Variants in NR4A3 observed in about 807,000 individuals in gnomAD.
The protein encoded by NR4A3 is chondrosarcoma, extraskeletal myxoid, fused to EWS.
A neutral mutation model predicts 55.6 loss-of-function variants in NR4A3; 13 were observed. The observed-to-expected ratio is 0.23, with a 90% confidence interval of 0.15 to 0.37. The LOEUF is 0.37. NR4A3 is among the 10% of genes least tolerant of loss of function. NR4A3 has a pLI of 1.00. For synonymous variants in NR4A3, 342 were observed against 357.9 expected, an observed-to-expected ratio of 0.96 and a Z score of 0.50; for missense variants, 646 against 822.8, an observed-to-expected ratio of 0.79 and a Z score of 2.63.
intron 3 of NR4A3, among the ~76,000 whole-genome samples, chr9:99,829,323 G>A (rs1328481752): frequency 6.6e-6 from 1 of 152,186 alleles, no homozygotes; most frequent in Non-Finnish European, 1.5e-5. Flanking sequence ...TGCTTTGTCT[G>A]TCCATCCAGG....
chr9:99,844,155 T>A (rs1024583803), intron 5 of NR4A3, among the ~76,000 whole-genome samples: 3 of 152,154 alleles, frequency 2.0e-5, no homozygotes, highest in Non-Finnish European at 4.4e-5. Context: ...ATTTAGCATC[T>A]CATGGGGAGA....
chr9:99,829,674 T>C (rs1442027085), intron 3 of NR4A3, among the ~76,000 whole-genome samples: 1 of 152,146 alleles, frequency 6.6e-6, no homozygotes, highest in Non-Finnish European at 1.5e-5. Flanking sequence ...TCTTCTTCTA[T>C]GGAAAGAGCT....
chr9:99,827,004 A>G (rs188050650), intron 2 of NR4A3, among the ~76,000 whole-genome samples: 41 of 152,282 alleles, frequency 2.7e-4, no homozygotes, highest in African/African-American at 6.7e-4. Context: ...ACTACATCCA[A>G]TAATTCTCAG....
chr9:99,856,839 T>C (rs1023581945), intron 7 of NR4A3, among the ~76,000 whole-genome samples: 2 of 152,224 alleles, frequency 1.3e-5, no homozygotes, highest in African/African-American at 2.4e-5. Context: ...TCCCCAGTGA[T>C]GCTGATGCTG....
At chr9:99,833,651 A>G (rs747871977) in intron 5 of NR4A3, 197 bp downstream of exon 5, 2 of 1,592,154 alleles carry the variant, frequency 1.3e-6, no homozygotes, top group Non-Finnish European at 1.7e-6. Context: ...TGAATCTCTA[A>G]ATGCCTTAAC....
rs1468008125 is a variant in NR4A3, at chr9:99,863,639, A to G, written c.1653A>G (p.Glu551=). ...SMITERHGLK[E]PKRVEELCNK... ...CTGCAGAAAGACATGGGTTAAAAGAACCAAAGAGAGTCGAAGAGCTATGCA... is the reference window on the plus strand; with the variant it reads ...CTGCAGAAAGACATGGGTTAAAAGAGCCAAAGAGAGTCGAAGAGCTATGCA... The change falls in exon 8 of 8, where the codon GAA becomes GAG. Residue 551 remains glutamate, a synonymous_variant. Transcript: ENST00000395097. The G allele has an allele frequency of 6.2e-7, 1 of 1,613,902 alleles. No homozygotes were observed. Among genetic ancestry groups the G allele is most frequent in the Admixed American group, 1.7e-5 (1 of 59,982 alleles).
intron 5 of NR4A3, among the ~76,000 whole-genome samples, chr9:99,842,393 A>G (rs960251869): frequency 1.3e-5 from 2 of 152,244 alleles, no homozygotes; most frequent in Admixed American, 6.5e-5. Flanking sequence ...ACCAATGAAT[A>G]CATACCTGGA....
At chr9:99,829,125 C>G in intron 3 of NR4A3, 132 bp downstream of exon 3, 2 of 1,068,722 alleles carry the variant, frequency 1.9e-6, no homozygotes, top group Non-Finnish European at 2.4e-6. Context: ...TCCTACAGCC[C>G]TTCCTAGCAC....
chr9:99,829,026 C>G, intron 3 of NR4A3, 33 bp downstream of exon 3: 1 of 1,308,282 alleles, frequency 7.6e-7, no homozygotes, highest in Non-Finnish European at 9.7e-7. Context: ...CCTCCGCACC[C>G]AGCCCCCTCA....
chr9:99,848,490 A>G (rs1587883837), intron 7 of NR4A3, among the ~76,000 whole-genome samples: 2 of 152,028 alleles, frequency 1.3e-5, no homozygotes, highest in Admixed American at 6.6e-5. Context: ...GATTACAGGT[A>G]CCTGCCACCA....
At chr9:99,829,562 T>C (rs150060705) in intron 3 of NR4A3, among the ~76,000 whole-genome samples, 76 of 152,302 alleles carry the variant, frequency 5.0e-4, no homozygotes, top group Non-Finnish European at 8.4e-4. Flanking sequence ...GGACACACCT[T>C]CAGAGAAGGG....
In NR4A3 at chr9:99,822,877, ATGG is replaced by A. The variant is rs923162203; in HGVS notation, c.-177+474_-177+476del. Among the ~76,000 whole-genome samples the A allele has an allele frequency of 5.3e-5, 8 of 152,092 alleles. No homozygotes were observed. Among genetic ancestry groups the A allele is most frequent in the Non-Finnish European group, 8.8e-5 (6 of 68,004 alleles). On this transcript the variant is annotated intron_variant, in intron 1 of 7. Transcript: ENST00000395097. The surrounding 1 kb of genome is among the most constrained non-coding windows in gnomAD (Gnocchi z 4.9). The stretch of plus-strand genomic sequence containing the variant: ...TGGTGGGTCCAAGTAAATGTTGCTA[ATGG>A]TGGCACCGAGCTGGTTCTCTGGAAG...
At chr9:99,862,566 AAAAAAAAAAAAAAAAAAGAG>A (rs1828026475) in intron 7 of NR4A3, among the ~76,000 whole-genome samples, 1 of 65,790 alleles carries the variant, frequency 1.5e-5, no homozygotes, top group Admixed American at 1.3e-4. Context: ...AAAAAAAAAA[AAAAAAAAAAAAAAAAAAGAG>A]AGAGAAATGA....
chr9:99,860,901 A>T (rs1827998299), intron 7 of NR4A3, among the ~76,000 whole-genome samples: 1 of 152,266 alleles, frequency 6.6e-6, no homozygotes, highest in South Asian at 2.1e-4. Flanking sequence ...TAATTGAGCC[A>T]CAATAATCCA....
Position 99,863,794 on chromosome 9 carries a change from A to G in NR4A3, c.1808A>G (p.Tyr603Cys). 1 of 1,613,890 alleles carries G rather than the reference A, an allele frequency of 6.2e-7. No individual in the cohort carries two copies. Among genetic ancestry groups the G allele is most frequent in the Non-Finnish European group, 8.5e-7 (1 of 1,179,946 alleles). Reference sequence around the variant, plus strand: ...ACCCTGGGCCTCCAGCGCATCTTCTACCTGAAGCTGGAAGACTTGGTGTCT... The same window carrying G: ...ACCCTGGGCCTCCAGCGCATCTTCTGCCTGAAGCTGGAAGACTTGGTGTCT... ...ICTLGLQRIF[Y>C]LKLEDLVSPP... Residue 603 changes from tyrosine to cysteine, a missense_variant, in exon 8 of 8, where the codon TAC (tyrosine) becomes TGC (cysteine). By Grantham distance (194) the Tyr-to-Cys change is radical. Transcript: ENST00000395097.
At chr9:99,842,129 G>A (rs1453464721) in intron 5 of NR4A3, among the ~76,000 whole-genome samples, 1 of 89,402 alleles carries the variant, frequency 1.1e-5, no homozygotes, top group African/African-American at 4.5e-5. Flanking sequence ...TTTTTTTTTA[G>A]TTATTTAATA....
chr9:99,828,437 C>G lies in NR4A3; in HGVS notation c.395C>G (p.Ser132Cys). 6.3e-7 allele frequency: 1 copy of G among 1,582,956 alleles called. No individual in the cohort carries two copies. The highest frequency in any genetic ancestry group is 8.6e-7 in the Non-Finnish European group (1 of 1,164,512). Residue 132 changes from serine (S) to cysteine (C), a missense_variant, in exon 3 of 8, where the codon TCC becomes TGC. Ser to Cys is a moderately radical substitution (Grantham distance 112, BLOSUM62 -1). This residue lies in a region of NR4A3 where 426 missense variants were observed against 429.4 expected (regional missense o/e 0.99). Transcript: ENST00000395097. The surrounding 1 kb of genome is among the most constrained non-coding windows in gnomAD (Gnocchi z 7.7). Reference protein sequence around the residue: ...SPEDEVLPSTSMYFKQSPPST... With the variant: ...SPEDEVLPSTCMYFKQSPPST... ...GAGGACGAGGTGCTGCCCAGCACCT[C>G]CATGTACTTCAAGCAGTCCCCACCG...
At chr9:99,849,841 C>T (rs925586939) in intron 7 of NR4A3, among the ~76,000 whole-genome samples, 6 of 152,150 alleles carry the variant, frequency 3.9e-5, no homozygotes, top group Non-Finnish European at 7.3e-5. Context: ...CATAGACATG[C>T]AAAGTACCAC....
At chr9:99,846,092 G>C (rs1182715596) in intron 6 of NR4A3, among the ~76,000 whole-genome samples, 2 of 152,186 alleles carry the variant, frequency 1.3e-5, no homozygotes, top group Admixed American at 1.3e-4. Context: ...GTAGACACTT[G>C]GCTGAGTGAA....
Sources: allele counts gnomAD v4.1 joint callset (sites outside exome capture counted in the v4.1 genomes callset), GRCh38; gene constraint gnomAD v4.1.1; regional missense constraint gnomAD v4.1.1; non-coding constraint Gnocchi (gnomAD v3.1); transcripts MANE v1.5; gene names NCBI Gene and HGNC (gene_info 2026-07-23, HGNC 2026-07-21).